The following DPYSL3 variants were observed in gnomAD, a reference collection of about 807,000 sequenced individuals.
The protein encoded by DPYSL3 is dihydropyrimidinase-related protein 3.
DPYSL3 carries 16 observed loss-of-function variants against 66.1 expected under a neutral mutation model. The observed-to-expected ratio is 0.24, with a 90% CI of 0.16 to 0.37. The LOEUF (loss-of-function observed/expected upper bound fraction) is 0.37, where lower values mean the gene tolerates loss of function less well. DPYSL3 is among the 10% of genes least tolerant of loss of function. The pLI, the probability that DPYSL3 is intolerant of heterozygous loss-of-function variation, is 1.00. For synonymous variants in DPYSL3, 338 were observed against 345.1 expected, an observed-to-expected ratio of 0.98 and a Z score of 0.23; for missense variants, 738 against 916.2, an observed-to-expected ratio of 0.81 and a Z score of 2.51.
Position 147,405,494 on chromosome 5 carries a change from C to A in DPYSL3, c.1153+116G>T, listed in dbSNP as rs539490557. On this transcript the variant is annotated intron_variant, in intron 8 of 13. Transcript: ENST00000343218. ...CACACAGGATGTGGAGAGCGGCTTCCTAGGGAGCAAGGCAATGAGCAAAGT... is the reference window on the plus strand; with the variant it reads ...CACACAGGATGTGGAGAGCGGCTTCATAGGGAGCAAGGCAATGAGCAAAGT... The A allele has an allele frequency of 3.8e-5, 53 of 1,394,444 alleles. No homozygotes were observed. The African/African-American group carries it at 7.5e-4, about 20-fold the overall frequency. The allele number at this position is 1,394,444 out of a possible 1,614,324, so 86.4% of individuals were successfully genotyped here.
intron 1 of DPYSL3, chr5:147,453,514 G>A (rs903860222): frequency 2.0e-6 from 3 of 1,519,140 alleles, no homozygotes; most frequent in African/African-American, 1.4e-5. Flanking sequence ...CAGGGAGCGA[G>A]CGAGGAGGGA....
intron 1 of DPYSL3, among the ~76,000 whole-genome samples, chr5:147,503,393 A>G (rs1753642583): frequency 6.6e-6 from 1 of 152,094 alleles, no homozygotes; most frequent in South Asian, 2.1e-4. Flanking sequence ...TTTCAGGCTC[A>G]AGCAAACCTC....
At chr5:147,408,421 G>A (rs992825552) in intron 7 of DPYSL3, among the ~76,000 whole-genome samples, 1 of 152,006 alleles carries the variant, frequency 6.6e-6, no homozygotes, top group Non-Finnish European at 1.5e-5. Flanking sequence ...CGAAATAAGG[G>A]AATAAGTGGA....
chr5:147,449,113 C>A (rs1287154849), intron 1 of DPYSL3, among the ~76,000 whole-genome samples: 1 of 152,094 alleles, frequency 6.6e-6, no homozygotes, highest in Admixed American at 6.5e-5. Context: ...CCCATTGAAG[C>A]AAGAGGAATG....
chr5:147,454,088 G>A (rs1752801092), intron 1 of DPYSL3: 1 of 152,192 alleles, frequency 6.6e-6, no homozygotes, highest in African/African-American at 2.4e-5. Context: ...TCCCGGGGGT[G>A]GGAGCATCAG....
At chr5:147,489,733 G>GTTT (rs61578582) in intron 1 of DPYSL3, among the ~76,000 whole-genome samples, 1 of 143,122 alleles carries the variant, frequency 7.0e-6, no homozygotes, top group African/African-American at 2.6e-5. Flanking sequence ...TTCCTTTTAT[G>GTTT]TTTTTTTTTT....
At chr5:147,397,343 C>G (rs562117277) in intron 12 of DPYSL3, among the ~76,000 whole-genome samples, 4 of 151,864 alleles carry the variant, frequency 2.6e-5, no homozygotes, top group African/African-American at 9.7e-5. Flanking sequence ...TCGGTTCTCA[C>G]CTTCAGACTT....
At chr5:147,443,096 A>G (rs1752564242) in intron 1 of DPYSL3, among the ~76,000 whole-genome samples, 1 of 152,248 alleles carries the variant, frequency 6.6e-6, no homozygotes. Flanking sequence ...TATTCATAAG[A>G]TGGGGCATTA....
intron 1 of DPYSL3, among the ~76,000 whole-genome samples, chr5:147,427,153 C>T (rs935124331): frequency 1.3e-5 from 2 of 152,230 alleles, no homozygotes; most frequent in African/African-American, 4.8e-5. Context: ...CAGTCATCTC[C>T]TTTGTCAAGG....
chr5:147,449,002 C>T (rs1003217581), intron 1 of DPYSL3, among the ~76,000 whole-genome samples: 4 of 152,178 alleles, frequency 2.6e-5, no homozygotes, highest in African/African-American at 9.7e-5. Context: ...TTTCAAGATG[C>T]CTTGCACAGA....
rs777366989 is a variant in DPYSL3, at chr5:147,400,735, T to C, written c.1409A>G (p.Asn470Ser). 6.2e-6 allele frequency: 10 copies of C among 1,614,048 alleles called. No individual in the cohort carries two copies. Among genetic ancestry groups the C allele is most frequent in the African/African-American group, 4.0e-5 (3 of 74,938 alleles). Residue 470 changes from asparagine (N) to serine (S), a missense_variant, in exon 10 of 14, where the codon AAT (asparagine) becomes AGT (serine). Transcript: ENST00000343218. ...DNFTAIPEGT[N>S]GVEERMSVIW... ...GACAGACATCCGCTCCTCCACACCA[T>C]TGGTGCCCTCAGGAATGGCTGTGAA...
At chr5:147,463,759 C>T (rs1752969372) in intron 1 of DPYSL3, among the ~76,000 whole-genome samples, 1 of 152,118 alleles carries the variant, frequency 6.6e-6, no homozygotes, top group Non-Finnish European at 1.5e-5. Context: ...TCCGTCATGC[C>T]AGCAAGAGAG....
intron 1 of DPYSL3, among the ~76,000 whole-genome samples, chr5:147,474,995 T>C (rs1753136702): frequency 6.6e-6 from 1 of 152,044 alleles, no homozygotes; most frequent in African/African-American, 2.4e-5. Context: ...CACATATTAC[T>C]GGTTGGAATG....
chr5:147,498,180 A>G lies in DPYSL3; in HGVS notation c.381+11298T>C, dbSNP rs568217065. ...TTAGCTCCCACTTATAAGTGAGAACATGTGGTATTTCATTTTCTATTCCCG... is the reference window on the plus strand; with the variant it reads ...TTAGCTCCCACTTATAAGTGAGAACGTGTGGTATTTCATTTTCTATTCCCG... On this transcript the variant is annotated intron_variant, in intron 1 of 13. Transcript: ENST00000343218. Among the ~76,000 whole-genome samples the G allele has an allele frequency of 1.4e-4, 21 of 152,228 alleles. No homozygotes were observed. In the East Asian group the frequency reaches 3.5e-3, roughly 25 times the overall value.
chr5:147,422,155 A>G (rs959150729), intron 2 of DPYSL3, among the ~76,000 whole-genome samples: 1 of 152,218 alleles, frequency 6.6e-6, no homozygotes, highest in Non-Finnish European at 1.5e-5. Context: ...CTTTACAAGA[A>G]AAAAACAAAC....
At chr5:147,499,293 T>C (rs1049953563) in intron 1 of DPYSL3, among the ~76,000 whole-genome samples, 1 of 152,172 alleles carries the variant, frequency 6.6e-6, no homozygotes, top group South Asian at 2.1e-4. Flanking sequence ...TAAGTGATTA[T>C]AGCAAGGTTG....
intron 1 of DPYSL3, among the ~76,000 whole-genome samples, chr5:147,500,218 T>C (rs1253771643): frequency 1.3e-5 from 2 of 152,178 alleles, no homozygotes; most frequent in African/African-American, 4.8e-5. Flanking sequence ...CAAAACATAT[T>C]GTCAAAAGAA....
intron 1 of DPYSL3, among the ~76,000 whole-genome samples, chr5:147,487,150 C>A (rs1753346538): frequency 6.6e-6 from 1 of 152,094 alleles, no homozygotes; most frequent in Non-Finnish European, 1.5e-5. Context: ...GCTTGACCTC[C>A]TTCTTCCTAA....
chr5:147,504,520 G>T (rs1366649559), intron 1 of DPYSL3, among the ~76,000 whole-genome samples: 1 of 152,172 alleles, frequency 6.6e-6, no homozygotes, highest in African/African-American at 2.4e-5. Context: ...ACACACCAGG[G>T]TTTGGATTCT....
Sources: gnomAD v4.1 joint callset for allele counts (sites outside exome capture counted in the v4.1 genomes callset) on GRCh38, gnomAD v4.1.1 for gene constraint, MANE v1.5 for transcripts, NCBI Gene and HGNC (gene_info 2026-07-23, HGNC 2026-07-21) for gene names.